Variants in PCDHA1 observed in about 807,000 individuals in gnomAD.
PCDHA1 encodes the protein protocadherin alpha-1.
PCDHA1 carries 42 observed loss-of-function variants against 61.3 expected under a neutral mutation model. The observed-to-expected ratio is 0.69, with a 90% confidence interval of 0.54 to 0.89. PCDHA1 has a LOEUF of 0.89. Ranked by LOEUF, PCDHA1 falls within the 40% of genes least tolerant of loss-of-function variation. The pLI, the probability that PCDHA1 is intolerant of heterozygous loss-of-function variation, is 0.00. For missense variants in PCDHA1, 1,256 were observed against 1,235.3 expected (o/e 1.02, Z -0.25); for synonymous variants, 610 against 553.8 (o/e 1.10, Z -1.43).
At chr5:140,835,910 A>G (rs2150248144) in intron 1 of PCDHA1, 5 of 1,612,138 alleles carry the variant, frequency 3.1e-6, no homozygotes, top group Non-Finnish European at 3.4e-6. Context: ...GCTACGTGTC[A>G]GTGCACGCGG....
At chr5:140,877,417 G>T (rs782190793) in intron 1 of PCDHA1, 5 of 1,613,822 alleles carry the variant, frequency 3.1e-6, no homozygotes, top group Admixed American at 1.7e-5. Context: ...CCGCCTGCTG[G>T]TGCTGGTGAA....
At chr5:140,821,837 C>T (rs1554128249) in intron 1 of PCDHA1, 3 of 1,614,154 alleles carry the variant, frequency 1.9e-6, no homozygotes, top group Non-Finnish European at 2.5e-6. Flanking sequence ...CTTCTCCTTG[C>T]CTACTGGAAG....
chr5:140,862,677 G>T, intron 1 of PCDHA1: 1 of 550,930 alleles, frequency 1.8e-6, no homozygotes. Context: ...AGGAGAACGT[G>T]CTGGTGTCCT....
intron 1 of PCDHA1, chr5:140,876,900 G>T: frequency 1.2e-6 from 2 of 1,614,114 alleles, no homozygotes; most frequent in East Asian, 2.2e-5. Context: ...ACATCTTCAC[G>T]GTGTCGGCAT....
chr5:141,007,393 T>C (rs1485010105), intron 3 of PCDHA1, among the ~76,000 whole-genome samples: 2 of 23,410 alleles, frequency 8.5e-5, no homozygotes, highest in African/African-American at 2.3e-4. Context: ...TCTACTAAAA[T>C]ACAAAAAAAA....
intron 1 of PCDHA1, chr5:140,808,152 G>A: frequency 6.2e-7 from 1 of 1,614,136 alleles, no homozygotes; most frequent in Non-Finnish European, 8.5e-7. Flanking sequence ...ATTGTAGAGG[G>A]CATTGATAAG....
At chr5:140,794,560 T>G (rs1432130630) in intron 1 of PCDHA1, among the ~76,000 whole-genome samples, 1 of 152,244 alleles carries the variant, frequency 6.6e-6, no homozygotes, top group African/African-American at 2.4e-5. Flanking sequence ...TGTAACAATG[T>G]GAATATACTT....
intron 1 of PCDHA1, among the ~76,000 whole-genome samples, chr5:140,915,711 C>T (rs1159509465): frequency 1.3e-5 from 2 of 151,812 alleles, no homozygotes; most frequent in African/African-American, 2.4e-5. Flanking sequence ...CTCCTGTGGC[C>T]CCCACTTTGG....
intron 1 of PCDHA1, chr5:140,862,315 C>G (rs1554156143): frequency 3.2e-6 from 1 of 317,246 alleles, no homozygotes; most frequent in African/African-American, 2.2e-5. Context: ...CCGTCATAGC[C>G]CTAATCAGTG....
chr5:140,789,348 A>C (rs183229855), intron 1 of PCDHA1, among the ~76,000 whole-genome samples: 2,095 of 152,220 alleles, frequency 0.014, 23 homozygotes, highest in Non-Finnish European at 0.019. Context: ...GCTAATGGGG[A>C]GGCTGAGGCA....
intron 1 of PCDHA1, chr5:140,882,232 T>C: frequency 1.9e-6 from 3 of 1,575,806 alleles, no homozygotes; most frequent in African/African-American, 1.4e-5. Context: ...AGGCGTTGTA[T>C]ATATTGCAGA....
intron 1 of PCDHA1, chr5:140,801,924 G>A: frequency 6.2e-7 from 1 of 1,614,206 alleles, no homozygotes; most frequent in Non-Finnish European, 8.5e-7. Context: ...CCCAGCGTTT[G>A]AGAGGACGAT....
chr5:140,796,778 C>T (rs782183971), intron 1 of PCDHA1: 21 of 1,614,116 alleles, frequency 1.3e-5, no homozygotes, highest in Admixed American at 5.0e-5. Context: ...GGCTACAACG[C>T]GTGGCTTTCG....
At chr5:140,902,920 C>T (rs1186097921) in intron 1 of PCDHA1, among the ~76,000 whole-genome samples, 1 of 152,304 alleles carries the variant, frequency 6.6e-6, no homozygotes, top group Non-Finnish European at 1.5e-5. Context: ...AGTAGTATTG[C>T]ATGGTGTATA....
At chr5:140,870,383 G>A (rs2051950706) in intron 1 of PCDHA1, 20 of 1,614,242 alleles carry the variant, frequency 1.2e-5, no homozygotes, top group Non-Finnish European at 1.7e-5. Flanking sequence ...GTGACTGCGC[G>A]GGATGGGGGT....
chr5:140,809,051 T>C (rs1764347128), intron 1 of PCDHA1: 1 of 1,613,758 alleles, frequency 6.2e-7, no homozygotes, highest in Non-Finnish European at 8.5e-7. Context: ...GCGCATCCCG[T>C]TCCGCGTGGG....
chr5:140,851,463 G>C (rs1194351869), intron 1 of PCDHA1: 1 of 894,166 alleles, frequency 1.1e-6, no homozygotes, highest in Non-Finnish European at 1.4e-6. Flanking sequence ...ATCAAATTAT[G>C]TCAATAAATG....
rs1781520198 is a variant in PCDHA1, at chr5:140,848,443, T to C, written c.2394+59759T>C. ...ATGGGACTGACGAAATCAGATGATTTCTTCTAATTTGGAGGCAATTTTCAC... is the reference window on the plus strand; with the variant it reads ...ATGGGACTGACGAAATCAGATGATTCCTTCTAATTTGGAGGCAATTTTCAC... On this transcript the variant is annotated intron_variant, in intron 1 of 3. Transcript: ENST00000504120. 5.4e-6 allele frequency: 8 copies of C among 1,493,744 alleles called. 1 individual carries two copies. The highest frequency in any genetic ancestry group is 7.3e-6 in the Non-Finnish European group (8 of 1,096,078). 92.5% of individuals were successfully genotyped at this position (1,493,744 alleles called of 1,614,324 possible).
intron 1 of PCDHA1, chr5:140,804,249 C>T (rs1477277450): frequency 6.6e-6 from 1 of 152,016 alleles, no homozygotes. Flanking sequence ...GGAAAAAAAT[C>T]GAGAATAACA....
Sources: allele counts gnomAD v4.1 joint callset (sites outside exome capture counted in the v4.1 genomes callset), GRCh38; gene constraint gnomAD v4.1.1; transcripts MANE v1.5; gene names NCBI Gene and HGNC (gene_info 2026-07-23, HGNC 2026-07-21).